Variants in ZNF445 observed in about 807,000 individuals in gnomAD.
ZNF445 encodes zinc finger protein 168.
In ZNF445, 19 loss-of-function variants were observed where a neutral mutation model predicts 93.9. The ratio of observed to expected loss-of-function variants is 0.20; its 90% confidence interval spans 0.14 to 0.30. The LOEUF (loss-of-function observed/expected upper bound fraction) is 0.30. Ranked by LOEUF, ZNF445 falls within the 10% of genes least tolerant of loss-of-function variation. The pLI is 1.00. For synonymous variants in ZNF445, 449 were observed against 446.3 expected (o/e 1.01, Z -0.08); for missense variants, 1,058 against 1,259.4 (o/e 0.84, Z 2.42).
chr3:44,446,842 C>A lies in ZNF445; in HGVS notation c.2829G>T (p.Lys943Asn). The change falls in exon 8 of 8, where the codon AAG becomes AAT. Residue 943 changes from lysine (K) to asparagine (N), a missense_variant. Lys to Asn is a moderately conservative substitution (Grantham distance 94). Coordinates refer to ENST00000396077, the MANE Select transcript of ZNF445 (RefSeq NM_181489.6). The surrounding 1 kb of genome is among the most constrained non-coding windows in gnomAD (Gnocchi z 4.2). ...SSQDTKLRLQ[K>N]LKPSEEMPLE... ...GGGGCATCTCTTCACTTGGTTTTAG[C>A]TTCTGTAATCTCAACTTTGTGTCCT... 6.2e-7 allele frequency: 1 copy of A among 1,614,134 alleles called. No individual in the cohort carries two copies. The highest frequency in any genetic ancestry group is 8.5e-7 in the Non-Finnish European group (1 of 1,180,044).
At chr3:44,466,347 G>T (rs181187070) in intron 1 of ZNF445, among the ~76,000 whole-genome samples, 16 of 152,084 alleles carry the variant, frequency 1.1e-4, no homozygotes, top group Non-Finnish European at 2.2e-4. Context: ...TAGATATTAG[G>T]TCCTCTAAAG....
chr3:44,470,636 G>A (rs1035239403), intron 1 of ZNF445, among the ~76,000 whole-genome samples: 1 of 152,198 alleles, frequency 6.6e-6, no homozygotes, highest in Non-Finnish European at 1.5e-5. Context: ...AAGCTCCTAA[G>A]CCTCACTACC....
At chr3:44,458,012 C>CA (rs549514697) in intron 2 of ZNF445, among the ~76,000 whole-genome samples, 68,422 of 93,804 alleles carry the variant, frequency 0.73, 24,178 homozygotes, top group East Asian at 0.93. Flanking sequence ...GACTCCGTCT[C>CA]AAAAAAAAAA....
rs894623493 is a variant in ZNF445, at chr3:44,443,376, T to C, written c.*3199A>G. ...TTGAAAACTCAGGTTATTGGACAAA[T>C]AGGTTCAGTATAATCCCAAATATAA... On this transcript the variant is annotated 3_prime_UTR_variant, in exon 8 of 8. Coordinates refer to ENST00000396077, the MANE Select transcript of ZNF445 (RefSeq NM_181489.6). 1 of 152,188 alleles carries C rather than the reference T, an allele frequency of 6.6e-6. No homozygotes were observed. The highest frequency in any genetic ancestry group is 2.4e-5 in the African/African-American group (1 of 41,442). The allele number at this position is 152,188 out of a possible 1,614,324, so 9.4% of individuals were successfully genotyped here.
intron 1 of ZNF445, among the ~76,000 whole-genome samples, chr3:44,458,621 T>C (rs527262181): frequency 1.8e-3 from 277 of 152,250 alleles, no homozygotes; most frequent in African/African-American, 6.4e-3. Flanking sequence ...GACAGCCTTT[T>C]GTTATAATAT....
chr3:44,455,298 C>T lies in ZNF445; in HGVS notation c.252G>A (p.Leu84=). ...GTGCCTTGGAGAGAACGTCAGGCCTCAGCCACCAGCGACAGAGTTCCCGGA... is the reference window on the plus strand; with the variant it reads ...GTGCCTTGGAGAGAACGTCAGGCCTTAGCCACCAGCGACAGAGTTCCCGGA... ...SRLRELCRWW[L]RPDVLSKAQI... is the part of the protein sequence containing the mutation. The change falls in exon 3 of 8, where the codon CTG becomes CTA. Residue 84 remains leucine (L), a synonymous_variant. Coordinates refer to ENST00000396077, the MANE Select transcript of ZNF445 (RefSeq NM_181489.6). 1 of 1,614,108 alleles carries T rather than the reference C, an allele frequency of 6.2e-7. No individual in the cohort carries two copies. Among genetic ancestry groups the T allele is most frequent in the Non-Finnish European group, 8.5e-7 (1 of 1,179,952 alleles).
At chr3:44,451,561 C>T in intron 3 of ZNF445, 79 bp from the exon 4 acceptor site, 1 of 1,485,256 alleles carries the variant, frequency 6.7e-7, no homozygotes, top group Non-Finnish European at 9.2e-7. Flanking sequence ...CATGACCAAT[C>T]TCTGAAGGAC....
chr3:44,454,695 A>G (rs1698002744), intron 3 of ZNF445, among the ~76,000 whole-genome samples: 1 of 152,210 alleles, frequency 6.6e-6, no homozygotes, highest in East Asian at 1.9e-4. Context: ...TAAAGTGCTT[A>G]GATTACAGGT....
chr3:44,447,834 G>T lies in ZNF445; in HGVS notation c.1837C>A (p.Leu613Ile), dbSNP rs778720634. 4 of 1,613,986 alleles carry T rather than the reference G, an allele frequency of 2.5e-6. No individual in the cohort carries two copies. The highest frequency in any genetic ancestry group is 3.4e-6 in the Non-Finnish European group (4 of 1,180,050). Residue 613 changes from leucine (L) to isoleucine (I), a missense_variant, in exon 8 of 8, where the codon CTT becomes ATT. Coordinates refer to ENST00000396077, the MANE Select transcript of ZNF445 (RefSeq NM_181489.6). This position sits in a 1 kb window ranked among gnomAD's most constrained non-coding sequence, Gnocchi z 4.7. ...TGGGTGTGAATCCTTTGATGTTCAA[G>T]AACATATGACTTACAGTGGAAGGAT... ...RKSFHCKSYV[L>I]EHQRIHTQEK...
At chr3:44,450,995 A>G in intron 4 of ZNF445, 33 bp from the exon 5 acceptor site, 1 of 1,494,896 alleles carries the variant, frequency 6.7e-7, no homozygotes, top group Non-Finnish European at 9.0e-7. Flanking sequence ...AGAGCGGCTC[A>G]GCTCTGGACA....
chr3:44,464,713 T>C lies in ZNF445; in HGVS notation c.-268-6349A>G, dbSNP rs114010752. On this transcript the variant is annotated intron_variant, in intron 1 of 7. Coordinates refer to ENST00000396077, the MANE Select transcript of ZNF445 (RefSeq NM_181489.6). Reference sequence around the variant, plus strand: ...ATTACAGATAAGGCCTTGGGACATATGGAGAGCCATGCCCGTTGGCTATGC... The same window carrying C: ...ATTACAGATAAGGCCTTGGGACATACGGAGAGCCATGCCCGTTGGCTATGC... 3.0e-3 allele frequency among the ~76,000 whole-genome samples: 459 copies of C among 152,296 alleles called. 3 individuals carry two copies. The highest frequency in any genetic ancestry group is 0.01 in the African/African-American group (429 of 41,544).
Position 44,431,763 on chromosome 3 carries a change from A to G in ZNF445, c.*14812T>C, listed in dbSNP as rs1697555146. 6.6e-6 allele frequency: 1 copy of G among 152,100 alleles called. No homozygotes were observed. The highest frequency in any genetic ancestry group is 2.4e-5 in the African/African-American group (1 of 41,422). 9.4% of individuals were successfully genotyped at this position (152,100 alleles called of 1,614,324 possible). ...TATTACTTCATTTCTATAAAGTACA[A>G]AAACAGGCAAAAGTAAACCATATTT... On this transcript the variant is annotated 3_prime_UTR_variant, in exon 8 of 8. Coordinates refer to ENST00000396077, the MANE Select transcript of ZNF445 (RefSeq NM_181489.6).
Position 44,448,758 on chromosome 3 carries a change from C to T in ZNF445, c.932-19G>A. On this transcript the variant is annotated intron_variant, in intron 7 of 7. Coordinates refer to ENST00000396077, the MANE Select transcript of ZNF445 (RefSeq NM_181489.6). ...TCATCTCCTGACAAAAAATATAACA[C>T]AAGAGAATGTACTCTTTTCCCATAC... 1.3e-6 allele frequency: 2 copies of T among 1,596,156 alleles called. No individual in the cohort carries two copies. The highest frequency in any genetic ancestry group is 1.1e-5 in the South Asian group (1 of 88,370).
rs201668450 is a variant in ZNF445, at chr3:44,444,401, C to CT, written c.*2173dup. 3 of 152,194 alleles carry CT rather than the reference C, an allele frequency of 2.0e-5. No individual in the cohort carries two copies. Among genetic ancestry groups the CT allele is most frequent in the Non-Finnish European group, 4.4e-5 (3 of 68,070 alleles). 9.4% of individuals were successfully genotyped at this position (152,194 alleles called of 1,614,324 possible). A position where few individuals can be genotyped will look rare whatever the true frequency, so the allele number is the denominator to read the frequency against. On this transcript the variant is annotated 3_prime_UTR_variant, in exon 8 of 8. Coordinates refer to ENST00000396077, the MANE Select transcript of ZNF445 (RefSeq NM_181489.6). Reference sequence around the variant, plus strand: ...GAATCAGGTAGCACAGCCAAGCACTCTAACTTCACACATAAGGAAATTGAT... The same window carrying CT: ...GAATCAGGTAGCACAGCCAAGCACTCTTAACTTCACACATAAGGAAATTGAT...
Position 44,450,894 on chromosome 3 carries a change from T to C in ZNF445, c.667A>G (p.Thr223Ala), listed in dbSNP as rs771523114. Residue 223 changes from threonine to alanine, a missense_variant, in exon 5 of 8, where the codon ACC (threonine) becomes GCC (alanine). Coordinates refer to ENST00000396077, the MANE Select transcript of ZNF445 (RefSeq NM_181489.6). ...EGCPGDQVTPTRSLTAQLQET... is the reference protein window; with the variant it reads ...EGCPGDQVTPARSLTAQLQET... Reference sequence around the variant, plus strand: ...TGGAGCTGGGCTGTCAGGGACCTGGTTGGTGTTACCTGGTCTCCCGGGCAC... The same window carrying C: ...TGGAGCTGGGCTGTCAGGGACCTGGCTGGTGTTACCTGGTCTCCCGGGCAC... 4.4e-6 allele frequency: 7 copies of C among 1,593,996 alleles called. No individual in the cohort carries two copies. In the East Asian group the frequency reaches 1.1e-4, roughly 26 times the overall value.
At chr3:44,467,126 G>A (rs190530827) in intron 1 of ZNF445, among the ~76,000 whole-genome samples, 1 of 152,312 alleles carries the variant, frequency 6.6e-6, no homozygotes, top group East Asian at 1.9e-4. Flanking sequence ...GAAAGCTAAT[G>A]TGTTAAACAT....
rs1406699901 is a variant in ZNF445 at position 44,442,059 on chromosome 3, A to C, written c.*4516T>G. On this transcript the variant is annotated 3_prime_UTR_variant, in exon 8 of 8. Transcript: ENST00000396077. ...CACTACTATCCCATTTTACAGAAAAAGTGAAAAACAAGTTGAAGTAACGTG... is the reference window on the plus strand; with the variant it reads ...CACTACTATCCCATTTTACAGAAAACGTGAAAAACAAGTTGAAGTAACGTG... 1 of 152,148 alleles carries C rather than the reference A, an allele frequency of 6.6e-6. No homozygotes were observed. The highest frequency in any genetic ancestry group is 1.5e-5 in the Non-Finnish European group (1 of 68,034). 9.4% of individuals were successfully genotyped at this position (152,148 alleles called of 1,614,324 possible).
intron 1 of ZNF445, 78 bp downstream of exon 1, chr3:44,477,513 G>T (rs1251258632): frequency 1.3e-5 from 2 of 152,124 alleles, no homozygotes; most frequent in Non-Finnish European, 2.9e-5. Flanking sequence ...GGGCAGGCCC[G>T]AGAATGCCGC....
intron 2 of ZNF445, among the ~76,000 whole-genome samples, chr3:44,456,267 A>C (rs1698027001): frequency 6.6e-6 from 1 of 152,108 alleles, no homozygotes; most frequent in African/African-American, 2.4e-5. Flanking sequence ...AGTACAAAAA[A>C]TGAGCCAGGC....
Sources: gnomAD v4.1 joint callset for allele counts (sites outside exome capture counted in the v4.1 genomes callset) on GRCh38, gnomAD v4.1.1 for gene constraint, Gnocchi (gnomAD v3.1) non-coding constraint, MANE v1.5 for transcripts, NCBI Gene and HGNC (gene_info 2026-07-23, HGNC 2026-07-21) for gene names.